Variants in ARHGEF7 observed in about 807,000 individuals in gnomAD.
ARHGEF7 encodes Rho guanine nucleotide exchange factor 7.
Under a neutral mutation model 109.8 loss-of-function variants are expected in ARHGEF7, and 33 were observed. The observed-to-expected ratio is 0.30, with a 90% CI of 0.23 to 0.40. The LOEUF (loss-of-function observed/expected upper bound fraction) is 0.40. Ranked by LOEUF, ARHGEF7 falls within the 10% of genes least tolerant of loss-of-function variation. The pLI, the probability that ARHGEF7 is intolerant of heterozygous loss-of-function variation, is 1.00. For missense variants in ARHGEF7, 938 were observed against 1,098.5 expected (o/e 0.85, Z 2.07); for synonymous variants, 458 against 424.6 (o/e 1.08, Z -0.97).
chr13:111,285,256 C>T (rs955516616), intron 16 of ARHGEF7, among the ~76,000 whole-genome samples: 1 of 152,178 alleles, frequency 6.6e-6, no homozygotes, highest in Admixed American at 6.5e-5. Flanking sequence ...CAAGAAAAGA[C>T]TTTTAAAGAT....
At chr13:111,227,990 T>A (rs936763680) in intron 5 of ARHGEF7, among the ~76,000 whole-genome samples, 7 of 152,204 alleles carry the variant, frequency 4.6e-5, no homozygotes, top group Admixed American at 1.3e-4. Context: ...CCCCAAATAC[T>A]TACTTTGGTG....
intron 1 of ARHGEF7, among the ~76,000 whole-genome samples, chr13:111,149,100 T>C (rs562227858): frequency 3.0e-4 from 46 of 152,144 alleles, no homozygotes; most frequent in African/African-American, 9.4e-4. Context: ...AAAAAAGCCC[T>C]ATACATTTCA....
At chr13:111,206,893 C>T (rs917235925) in intron 3 of ARHGEF7, among the ~76,000 whole-genome samples, 21 of 140,720 alleles carry the variant, frequency 1.5e-4, no homozygotes, top group Non-Finnish European at 2.6e-4. Flanking sequence ...ACCCGGGAGG[C>T]GGAGCTTGCA....
chr13:111,158,103 A>C (rs1299975779), intron 2 of ARHGEF7, among the ~76,000 whole-genome samples: 3 of 152,244 alleles, frequency 2.0e-5, no homozygotes, highest in Non-Finnish European at 4.4e-5. Flanking sequence ...CAAAATTATT[A>C]TAATAAAGCT....
At chr13:111,293,955 A>G (rs1261795686) in intron 19 of ARHGEF7, 22 of 985,336 alleles carry the variant, frequency 2.2e-5, no homozygotes, top group South Asian at 4.7e-5. Flanking sequence ...TTCATTCAGC[A>G]TGGAACAAGC....
At chr13:111,164,420 C>T (rs1007738269) in intron 2 of ARHGEF7, among the ~76,000 whole-genome samples, 6 of 152,244 alleles carry the variant, frequency 3.9e-5, no homozygotes, top group Non-Finnish European at 7.3e-5. Flanking sequence ...GGCCCATGGG[C>T]AAGTTCTCAG....
intron 8 of ARHGEF7, among the ~76,000 whole-genome samples, chr13:111,247,651 C>T (rs1387033958): frequency 1.3e-5 from 2 of 152,098 alleles, no homozygotes; most frequent in African/African-American, 4.8e-5. Flanking sequence ...CCTTTCACAG[C>T]TGCCTGTTGG....
intron 15 of ARHGEF7, among the ~76,000 whole-genome samples, chr13:111,281,627 A>T (rs1292116940): frequency 6.6e-6 from 1 of 152,182 alleles, no homozygotes; most frequent in Non-Finnish European, 1.5e-5. Context: ...CCATTCTTTC[A>T]TGGAGATCAG....
chr13:111,179,891 G>A (rs1461387428), intron 2 of ARHGEF7, among the ~76,000 whole-genome samples: 1 of 152,214 alleles, frequency 6.6e-6, no homozygotes, highest in African/African-American at 2.4e-5. Flanking sequence ...GGCACTTACT[G>A]TTAGTGGGCT....
At chr13:111,291,126 T>C (rs1276815934) in intron 18 of ARHGEF7, among the ~76,000 whole-genome samples, 1 of 152,180 alleles carries the variant, frequency 6.6e-6, no homozygotes, top group African/African-American at 2.4e-5. Flanking sequence ...GTCAATTTGA[T>C]AGAAGCAGGA....
rs1566899901 is a variant in ARHGEF7, at chr13:111,228,819, G to A, written c.671-4386G>A. On this transcript the variant is annotated intron_variant, in intron 5 of 21. Coordinates refer to ENST00000646102, the MANE Select transcript of ARHGEF7 (RefSeq NM_001354046.2). The surrounding 1 kb of genome is among the most constrained non-coding windows in gnomAD (Gnocchi z 4.6). The stretch of plus-strand genomic sequence containing the variant: ...CCAGCACAGAAGGTCGGAAGAGGAC[G>A]TGGGAATTCCGAGTTTTTCAGGGCC... Among the ~76,000 whole-genome samples the A allele has an allele frequency of 6.6e-6, 1 of 152,032 alleles. No individual in the cohort carries two copies. The highest frequency in any genetic ancestry group is 1.5e-5 in the Non-Finnish European group (1 of 68,032).
intron 2 of ARHGEF7, among the ~76,000 whole-genome samples, chr13:111,180,704 C>G (rs1315843328): frequency 6.6e-6 from 1 of 152,052 alleles, no homozygotes; most frequent in Non-Finnish European, 1.5e-5. Flanking sequence ...TTCAGAACTT[C>G]CAAATTGAGA....
intron 18 of ARHGEF7, among the ~76,000 whole-genome samples, chr13:111,289,281 G>A (rs1239776131): frequency 2.6e-5 from 4 of 152,172 alleles, no homozygotes; most frequent in East Asian, 1.9e-4. Context: ...TGATCTGCCC[G>A]CCTCAGCCTC....
rs1310728557 is a variant in ARHGEF7, at chr13:111,228,048, T to G, written c.671-5157T>G. ...AACACAGCAGTGGGAAAACCAAGAG[T>G]GTCTTCCCAGAAGTTATGAAGCACA... On this transcript the variant is annotated intron_variant, in intron 5 of 21. Transcript: ENST00000646102. The surrounding 1 kb of genome is among the most constrained non-coding windows in gnomAD (Gnocchi z 4.6). Among the ~76,000 whole-genome samples, 1 of 152,078 alleles carries G rather than the reference T, an allele frequency of 6.6e-6. No individual in the cohort carries two copies. The highest frequency in any genetic ancestry group is 1.5e-5 in the Non-Finnish European group (1 of 68,004).
At chr13:111,283,629 C>T (rs566919126) in intron 16 of ARHGEF7, among the ~76,000 whole-genome samples, 32 of 152,324 alleles carry the variant, frequency 2.1e-4, no homozygotes, top group African/African-American at 5.8e-4. Context: ...GAGGAGTGTG[C>T]CGCCAGGGGC....
At chr13:111,221,374 T>G (rs1405890677) in intron 5 of ARHGEF7, among the ~76,000 whole-genome samples, 1 of 41,808 alleles carries the variant, frequency 2.4e-5, no homozygotes, top group African/African-American at 7.9e-5. Context: ...TCTATATATA[T>G]ATCTATATAT....
chr13:111,116,196 G>A (rs965066979), intron 1 of ARHGEF7, among the ~76,000 whole-genome samples: 1 of 152,298 alleles, frequency 6.6e-6, no homozygotes, highest in Admixed American at 6.5e-5. Flanking sequence ...TGAGGGCTGC[G>A]CTGTGAAACG....
chr13:111,300,296 T>G (rs2093534890), intron 19 of ARHGEF7, among the ~76,000 whole-genome samples: 1 of 152,266 alleles, frequency 6.6e-6, no homozygotes, highest in Non-Finnish European at 1.5e-5. Context: ...ATATCTTGAT[T>G]ATTAAATGTT....
At chr13:111,172,311 A>G (rs755261005) in intron 2 of ARHGEF7, among the ~76,000 whole-genome samples, 1 of 152,148 alleles carries the variant, frequency 6.6e-6, no homozygotes, top group Non-Finnish European at 1.5e-5. Context: ...AACGAAATAA[A>G]TTCAGTTCTA....
Sources: allele counts gnomAD v4.1 joint callset (sites outside exome capture counted in the v4.1 genomes callset), GRCh38; gene constraint gnomAD v4.1.1; non-coding constraint Gnocchi (gnomAD v3.1); transcripts MANE v1.5; gene names NCBI Gene and HGNC (gene_info 2026-07-23, HGNC 2026-07-21).